MS4A7: variants seen among roughly 807,000 people sequenced by gnomAD.
MS4A7 encodes membrane spanning 4-domains A7, also known as membrane-spanning 4-domains subfamily A member 7.
A neutral mutation model predicts 23.5 loss-of-function variants in MS4A7; 21 were observed. That is an observed-to-expected ratio of 0.89 (90% confidence interval 0.63 to 1.29). The LOEUF is 1.29. Among genes scored for constraint, MS4A7 ranks in the 50% most tolerant of loss-of-function variants. The pLI is 0.00. For missense variants in MS4A7, 263 were observed against 274.2 expected (o/e 0.96, Z 0.29); for synonymous variants, 111 against 107.4 (o/e 1.03, Z -0.21).
chr11:60,383,870 C>G (rs1400031075), intron 2 of MS4A7, among the ~76,000 whole-genome samples: 1 of 152,130 alleles, frequency 6.6e-6, no homozygotes, highest in African/African-American at 2.4e-5. Context: ...GTCATTAGTA[C>G]AGTAAAAATT....
intron 3 of MS4A7, chr11:60,386,428 C>G: frequency 2.9e-6 from 1 of 348,546 alleles, no homozygotes; most frequent in Non-Finnish European, 5.2e-6. Context: ...TAGTAACACT[C>G]TTCTCCTTCC....
chr11:60,392,893 G>C, intron 6 of MS4A7, 107 bp downstream of exon 6: 1 of 757,292 alleles, frequency 1.3e-6, no homozygotes, highest in East Asian at 2.7e-5. Context: ...TGTTCATGAG[G>C]TGCATGTGGA....
At chr11:60,389,686 G>A (rs1292429277) in intron 5 of MS4A7, 90 bp downstream of exon 5, 4 of 1,294,712 alleles carry the variant, frequency 3.1e-6, no homozygotes, top group Non-Finnish European at 2.2e-6. Context: ...TCTCTGGTTG[G>A]TCGGTCCGAA....
chr11:60,393,710 G>A, intron 6 of MS4A7, 77 bp from the exon 7 acceptor site: 1 of 1,141,476 alleles, frequency 8.8e-7, no homozygotes, highest in Non-Finnish European at 1.3e-6. Context: ...AAAACTTGGG[G>A]AAAAGGTATT....
chr11:60,393,978 GC>G lies in MS4A7; in HGVS notation c.*118del. On this transcript the variant is annotated 3_prime_UTR_variant, in exon 7 of 7. Coordinates refer to ENST00000300184, the MANE Select transcript of MS4A7 (RefSeq NM_021201.5). ...TGTGAAACAAACTAAAAAAAAAAAA[GC>G]TTTTGTTTTGTATTTGTTTACTATG... 1.8e-6 allele frequency: 1 copy of G among 559,626 alleles called. No individual in the cohort carries two copies. Among genetic ancestry groups the G allele is most frequent in the Non-Finnish European group, 3.0e-6 (1 of 334,320 alleles). The allele number at this position is 559,626 out of a possible 1,614,324, so 34.7% of individuals were successfully genotyped here. A position where few individuals can be genotyped will look rare whatever the true frequency, so the allele number is the denominator to read the frequency against.
chr11:60,384,286 A>G (rs1011890911), intron 2 of MS4A7, among the ~76,000 whole-genome samples: 2 of 152,180 alleles, frequency 1.3e-5, no homozygotes, highest in African/African-American at 4.8e-5. Flanking sequence ...TAGCCTAAAA[A>G]TCCCTACATA....
chr11:60,388,202 C>T (rs2085511889), intron 4 of MS4A7, among the ~76,000 whole-genome samples: 1 of 152,290 alleles, frequency 6.6e-6, no homozygotes, highest in East Asian at 1.9e-4. Flanking sequence ...CTTGTGGAGC[C>T]CACATTGTTG....
intron 6 of MS4A7, 100 bp downstream of exon 6, chr11:60,392,886 TCATGAGGTG>T: frequency 1.2e-6 from 1 of 818,012 alleles, no homozygotes; most frequent in Non-Finnish European, 2.0e-6. Context: ...CAATTATTGT[TCATGAGGTG>T]CATGTGGAAG....
rs1407938812 is a variant in MS4A7, at chr11:60,389,356, G to A, written c.340-34G>A. ...ACTAATAGTGTCACGTGCTGATTCT[G>A]TGATGAGAACCCAATGCAGAGTTTC... On this transcript the variant is annotated intron_variant, in intron 4 of 6. Coordinates refer to ENST00000300184, the MANE Select transcript of MS4A7 (RefSeq NM_021201.5). 2.6e-6 allele frequency: 4 copies of A among 1,559,214 alleles called. No homozygotes were observed. In the African/African-American group the frequency reaches 4.1e-5, roughly 16 times the overall value.
At chr11:60,381,261 A>G (rs911719112) in intron 1 of MS4A7, among the ~76,000 whole-genome samples, 3 of 152,184 alleles carry the variant, frequency 2.0e-5, no homozygotes, top group Non-Finnish European at 2.9e-5. Flanking sequence ...CTTCAACATT[A>G]TTCCCCTCAT....
Position 60,393,925 on chromosome 11 carries a change from T to C in MS4A7, c.*64T>C. On this transcript the variant is annotated 3_prime_UTR_variant, in exon 7 of 7. Coordinates refer to ENST00000300184, the MANE Select transcript of MS4A7 (RefSeq NM_021201.5). The stretch of plus-strand genomic sequence containing the variant: ...ACTCATGGTCAAGTGTGATTAGACT[T>C]TCCTGAAATCTCTGCCATTTTAGAT... 9.2e-7 allele frequency: 1 copy of C among 1,083,086 alleles called. No homozygotes were observed. The highest frequency in any genetic ancestry group is 1.6e-5 in the South Asian group (1 of 60,726). 67.1% of individuals were successfully genotyped at this position (1,083,086 alleles called of 1,614,324 possible). A position where few individuals can be genotyped will look rare whatever the true frequency, so the allele number is the denominator to read the frequency against.
intron 5 of MS4A7, chr11:60,390,007 A>C: frequency 4.0e-6 from 1 of 247,714 alleles, no homozygotes; most frequent in Admixed American, 5.2e-5. Context: ...CAGGGGTTGG[A>C]TGCCCCTACC....
At position 60,389,273 on chromosome 11, in the gene MS4A7, A is replaced by G. The variant is rs1438945606; in HGVS notation, c.340-117A>G. The G allele has an allele frequency of 5.3e-6, 4 of 755,532 alleles. No homozygotes were observed. In the Admixed American group the frequency reaches 1.2e-4, roughly 22 times the overall value. 46.8% of individuals were successfully genotyped at this position (755,532 alleles called of 1,614,324 possible). A position where few individuals can be genotyped will look rare whatever the true frequency, so the allele number is the denominator to read the frequency against. On this transcript the variant is annotated intron_variant, in intron 4 of 6. Transcript: ENST00000300184. The stretch of plus-strand genomic sequence containing the variant: ...AATAAAACACAGTTTGTGCCCACAC[A>G]AGGAAACAGGAAGGAAACAGACCCA...
intron 3 of MS4A7, among the ~76,000 whole-genome samples, chr11:60,385,858 T>G (rs2085480351): frequency 6.6e-6 from 1 of 152,220 alleles, no homozygotes; most frequent in African/African-American, 2.4e-5. Flanking sequence ...CCACGTAGTA[T>G]TTGGTACAAA....
chr11:60,383,302 A>G lies in MS4A7; in HGVS notation c.147+14A>G, dbSNP rs1204625024. ...ACCGTTCTTGGGGTAAGTCCACCTC[A>G]TTATAAGGGGAATACTGAGAAAATA... On this transcript the variant is annotated intron_variant, in intron 2 of 6. Transcript: ENST00000300184. 1.9e-6 allele frequency: 3 copies of G among 1,613,720 alleles called. No individual in the cohort carries two copies. The highest frequency in any genetic ancestry group is 2.7e-5 in the African/African-American group (2 of 74,882).
intron 5 of MS4A7, 136 bp downstream of exon 5, chr11:60,389,732 G>A (rs2085531424): frequency 1.3e-6 from 1 of 758,518 alleles, no homozygotes; most frequent in African/African-American, 1.7e-5. Flanking sequence ...AAAAACTTGT[G>A]GTTGGAAGAG....
At position 60,395,510 on chromosome 11, in the gene MS4A7, T is replaced by C. The variant is rs1487077569; in HGVS notation, c.*1649T>C. ...GAAACAATTTACCTTCATGATCTCA[T>C]AGTTAAAATTGTAATAAATTTAGGA... is the stretch of plus-strand genomic sequence containing the variant. On this transcript the variant is annotated 3_prime_UTR_variant, in exon 7 of 7. Transcript: ENST00000300184. 1 of 152,216 alleles carries C rather than the reference T, an allele frequency of 6.6e-6. No individual in the cohort carries two copies. The highest frequency in any genetic ancestry group is 1.9e-4 in the East Asian group (1 of 5,204). The allele number at this position is 152,216 out of a possible 1,614,324, so 9.4% of individuals were successfully genotyped here. A position where few individuals can be genotyped will look rare whatever the true frequency, so the allele number is the denominator to read the frequency against.
intron 1 of MS4A7, among the ~76,000 whole-genome samples, chr11:60,380,219 C>T (rs931882031): frequency 6.6e-6 from 1 of 151,970 alleles, no homozygotes; most frequent in Non-Finnish European, 1.5e-5. Flanking sequence ...ATGTTGAGTA[C>T]AAAAAGAACA....
intron 4 of MS4A7, 32 bp downstream of exon 4, chr11:60,386,805 T>C (rs2085495680): frequency 1.3e-6 from 2 of 1,537,060 alleles, no homozygotes; most frequent in African/African-American, 1.4e-5. Context: ...TCTCAGCTGG[T>C]TGGAATTGAA....
Sources: allele counts gnomAD v4.1 joint callset (sites outside exome capture counted in the v4.1 genomes callset), GRCh38; gene constraint gnomAD v4.1.1; transcripts MANE v1.5; gene names NCBI Gene and HGNC (gene_info 2026-07-23, HGNC 2026-07-21).